The following RXFP2 variants were observed in gnomAD, a reference collection of about 807,000 sequenced individuals.
RXFP2 encodes relaxin family peptide receptor 2.
RXFP2 carries 68 observed loss-of-function variants against 88.6 expected under a neutral mutation model. The ratio of observed to expected loss-of-function variants is 0.77; its 90% CI spans 0.63 to 0.94. The LOEUF is 0.94. Among genes scored for constraint, RXFP2 ranks in the 40% least tolerant of loss-of-function variants. The probability of loss-of-function intolerance (pLI) is 0.00; values close to 1 mark genes in which losing one functional copy is unlikely to be tolerated. For missense variants in RXFP2, 791 were observed against 893.9 expected, an observed-to-expected ratio of 0.88 and a Z score of 1.47; for synonymous variants, 329 against 306.8, an observed-to-expected ratio of 1.07 and a Z score of -0.76.
At position 31,791,825 on chromosome 13, in the gene RXFP2, T is replaced by C. The variant is rs772331795; in HGVS notation, c.1165T>C (p.Tyr389His). ...CTTTAGTTATTTCAAAAACTTTCGATACTGCTCCTATGCTCCCCATGTCCG... is the reference window on the plus strand; with the variant it reads ...CTTTAGTTATTTCAAAAACTTTCGACACTGCTCCTATGCTCCCCATGTCCG... ...LSHIYFKNFR[Y>H]CSYAPHVRIC... The change falls in exon 15 of 18, where the codon TAC becomes CAC. Residue 389 changes from tyrosine to histidine, a missense_variant. Tyr to His is a moderately conservative substitution (Grantham distance 83). Transcript: ENST00000298386. 1.4e-5 allele frequency: 22 copies of C among 1,613,998 alleles called. No individual in the cohort carries two copies. The highest frequency in any genetic ancestry group is 1.7e-5 in the Non-Finnish European group (20 of 1,179,954).
chr13:31,771,722 G>T (rs1012478425), intron 5 of RXFP2, among the ~76,000 whole-genome samples: 2 of 151,188 alleles, frequency 1.3e-5, no homozygotes, highest in Non-Finnish European at 2.9e-5. Flanking sequence ...ACCCCAAAAA[G>T]TCCAGATTGC....
intron 9 of RXFP2, among the ~76,000 whole-genome samples, chr13:31,778,835 C>A (rs1280550965): frequency 6.6e-6 from 1 of 152,146 alleles, no homozygotes; most frequent in African/African-American, 2.4e-5. Context: ...CCCTGACCCT[C>A]GTATGCATGT....
rs1478895049 is a variant in RXFP2, at chr13:31,802,556, A to G, written c.*151A>G. The G allele has an allele frequency of 5.9e-6, 5 of 848,884 alleles. No individual in the cohort carries two copies. Among genetic ancestry groups the G allele is most frequent in the East Asian group, 2.4e-5 (1 of 41,136 alleles). The allele number at this position is 848,884 out of a possible 1,614,324, so 52.6% of individuals were successfully genotyped here. ...GAATGGCTCCTGTCACTGCATTCCA[A>G]TGGCAGCTGTACTATCTACCAACCA... On this transcript the variant is annotated 3_prime_UTR_variant, in exon 18 of 18. Coordinates refer to ENST00000298386, the MANE Select transcript of RXFP2 (RefSeq NM_130806.5).
chr13:31,784,629 G>T (rs1285796327), intron 11 of RXFP2, among the ~76,000 whole-genome samples: 1 of 152,074 alleles, frequency 6.6e-6, no homozygotes, highest in East Asian at 1.9e-4. Flanking sequence ...CCTCTCATCT[G>T]GAGGACCAGA....
At chr13:31,799,608 C>T (rs542685948) in intron 17 of RXFP2, among the ~76,000 whole-genome samples, 2 of 152,266 alleles carry the variant, frequency 1.3e-5, no homozygotes, top group South Asian at 4.2e-4. Flanking sequence ...AGGCGGAGGT[C>T]CTGGGTTCCT....
At chr13:31,772,732 AT>A (rs758470100) in intron 5 of RXFP2, among the ~76,000 whole-genome samples, 6 of 152,216 alleles carry the variant, frequency 3.9e-5, no homozygotes, top group Non-Finnish European at 8.8e-5. Context: ...GCTCTTCATT[AT>A]TTAAGAGTTT....
intron 10 of RXFP2, among the ~76,000 whole-genome samples, chr13:31,782,320 G>A (rs1335404697): frequency 6.6e-6 from 1 of 152,166 alleles, no homozygotes; most frequent in South Asian, 2.1e-4. Context: ...TTTAATGATA[G>A]TTTTCCACAT....
In RXFP2 at chr13:31,765,432, C is replaced by CTT. The variant is rs58728346; in HGVS notation, c.425+300_425+301dup. Among the ~76,000 whole-genome samples, 678 of 149,400 alleles carry CTT rather than the reference C, an allele frequency of 4.5e-3. 5 individuals carry two copies. Among genetic ancestry groups the CTT allele is most frequent in the African/African-American group, 0.016 (632 of 40,578 alleles). On this transcript the variant is annotated intron_variant, in intron 4 of 17. Transcript: ENST00000298386. ...TTACTACTGTCCTTGTGTTGAAATGCTTTTTTTTTTTGTTTTAAAAGGAAG... is the reference window on the plus strand; with the variant it reads ...TTACTACTGTCCTTGTGTTGAAATGCTTTTTTTTTTTTTGTTTTAAAAGGAAG...
chr13:31,790,219 A>T (rs1461744547), intron 14 of RXFP2, among the ~76,000 whole-genome samples: 2 of 152,098 alleles, frequency 1.3e-5, no homozygotes, highest in Non-Finnish European at 2.9e-5. Context: ...CCACCTTGTC[A>T]CCCCAATCCC....
At chr13:31,752,436 G>A (rs759767845) in intron 1 of RXFP2, among the ~76,000 whole-genome samples, 2 of 152,110 alleles carry the variant, frequency 1.3e-5, no homozygotes, top group Non-Finnish European at 2.9e-5. Context: ...GGGTAAATAT[G>A]TGTGAATGAA....
In RXFP2 at chr13:31,802,308, C is replaced by A. The variant is rs760591206; in HGVS notation, c.2168C>A (p.Ser723Tyr). Reference sequence around the variant, plus strand: ...TTCAAAATTAAAAAAAAAAGTTTATCTACATCCATTGTGTGGATAGAGGAC... The same window carrying A: ...TTCAAAATTAAAAAAAAAAGTTTATATACATCCATTGTGTGGATAGAGGAC... ...SIFKIKKKSL[S>Y]TSIVWIEDSS... is the part of the protein sequence containing the mutation. The change falls in exon 18 of 18, where the codon TCT (serine) becomes TAT (tyrosine). Residue 723 changes from serine (S) to tyrosine (Y), a missense_variant. By Grantham distance (144) the Ser-to-Tyr change is moderately radical. Transcript: ENST00000298386. 5 of 1,613,024 alleles carry A rather than the reference C, an allele frequency of 3.1e-6. No individual in the cohort carries two copies. Among genetic ancestry groups the A allele is most frequent in the Non-Finnish European group, 4.2e-6 (5 of 1,179,146 alleles).
At chr13:31,741,546 CT>C (rs1871224389) in intron 1 of RXFP2, among the ~76,000 whole-genome samples, 1 of 152,030 alleles carries the variant, frequency 6.6e-6, no homozygotes, top group African/African-American at 2.4e-5. Context: ...TAAAGGTTGT[CT>C]TTTTAATTTA....
At chr13:31,764,243 T>TCTCACACACACA (rs1262150474) in intron 3 of RXFP2, among the ~76,000 whole-genome samples, 7 of 131,770 alleles carry the variant, frequency 5.3e-5, no homozygotes, top group African/African-American at 2.0e-4. Context: ...TCTCTCTCTT[T>TCTCACACACACA]CACACACACA....
At chr13:31,776,092 C>CTTTAT (rs1290220151) in intron 7 of RXFP2, among the ~76,000 whole-genome samples, 3 of 68,800 alleles carry the variant, frequency 4.4e-5, no homozygotes, top group African/African-American at 1.8e-4. Flanking sequence ...TTCCTTCTTT[C>CTTTAT]TTTCTTTTCT....
chr13:31,739,860 G>A (rs1423670442), intron 1 of RXFP2, among the ~76,000 whole-genome samples, 154 bp downstream of exon 1: 1 of 151,708 alleles, frequency 6.6e-6, no homozygotes, highest in African/African-American at 2.4e-5. Flanking sequence ...TTCATTGCTT[G>A]TAGTCCCACA....
intron 5 of RXFP2, among the ~76,000 whole-genome samples, chr13:31,766,619 A>T (rs180799017): frequency 6.6e-6 from 1 of 152,180 alleles, no homozygotes; most frequent in African/African-American, 2.4e-5. Flanking sequence ...CCTAGAGATG[A>T]TCTCTCTTGG....
chr13:31,762,087 C>T (rs2138411459), intron 3 of RXFP2, among the ~76,000 whole-genome samples: 1 of 152,256 alleles, frequency 6.6e-6, no homozygotes, highest in East Asian at 1.9e-4. Flanking sequence ...TAACTATTTT[C>T]TTCAAGAAAG....
At chr13:31,759,402 A>AAAGAAAGAAAGAAAGAAAGAAAG (rs1566218401) in intron 2 of RXFP2, among the ~76,000 whole-genome samples, 1 of 148,738 alleles carries the variant, frequency 6.7e-6, no homozygotes, top group Non-Finnish European at 1.5e-5. Context: ...AGAAAGAAAG[A>AAAGAAAGAAAGAAAGAAAGAAAG]AAGAAAGAAA....
Position 31,792,887 on chromosome 13 carries a change from A to G in RXFP2, c.1585A>G (p.Ser529Gly), listed in dbSNP as rs145909611. Residue 529 changes from serine (S) to glycine (G), a missense_variant, in exon 16 of 18, where the codon AGT becomes GGT. By Grantham distance (56) the Ser-to-Gly change is moderately conservative (BLOSUM62 0). Transcript: ENST00000298386. ...EKFLVIVFPF[S>G]NIRPGKRQTS... ...GTTCCTGGTCATTGTCTTCCCCTTC[A>G]GTAACATTCGACCTGGAAAACGGCA... The G allele has an allele frequency of 6.4e-5, 103 of 1,614,170 alleles. No homozygotes were observed. In the African/African-American group the frequency reaches 1.3e-3, roughly 20 times the overall value.
Sources: gnomAD v4.1 joint callset for allele counts (sites outside exome capture counted in the v4.1 genomes callset) on GRCh38, gnomAD v4.1.1 for gene constraint, MANE v1.5 for transcripts, NCBI Gene and HGNC (gene_info 2026-07-23, HGNC 2026-07-21) for gene names.